NKAIN3: variants seen among roughly 807,000 people sequenced by gnomAD.
NKAIN3 encodes sodium/potassium transporting ATPase interacting 3, also known as sodium/potassium-transporting ATPase subunit beta-1-interacting protein 3.
A neutral mutation model predicts 30.2 loss-of-function variants in NKAIN3; 25 were observed. The ratio of observed to expected loss-of-function variants is 0.83; its 90% CI spans 0.60 to 1.16. NKAIN3 has a LOEUF of 1.16. NKAIN3 is among the 50% of genes most tolerant of loss of function. The pLI is 0.00. For missense variants in NKAIN3, 225 were observed against 254.1 expected (o/e 0.89, Z 0.78); for synonymous variants, 91 against 89.6 (o/e 1.02, Z -0.09).
At chr8:62,452,161 T>A (rs978927468) in intron 1 of NKAIN3, among the ~76,000 whole-genome samples, 1 of 152,110 alleles carries the variant, frequency 6.6e-6, no homozygotes, top group Non-Finnish European at 1.5e-5. Context: ...AAACCAAAAG[T>A]GTCCAAGTTT....
intron 3 of NKAIN3, among the ~76,000 whole-genome samples, chr8:62,689,652 C>G (rs1014155103): frequency 2.0e-5 from 3 of 152,068 alleles, no homozygotes; most frequent in African/African-American, 7.2e-5. Flanking sequence ...GTTCACTGTG[C>G]CTTTATGTTA....
chr8:62,938,354 A>G (rs1185625990), intron 5 of NKAIN3, among the ~76,000 whole-genome samples: 1 of 152,104 alleles, frequency 6.6e-6, no homozygotes, highest in African/African-American at 2.4e-5. Context: ...AGAAAACAAC[A>G]GCTAATTTCA....
At chr8:62,300,710 A>T (rs1487043500) in intron 1 of NKAIN3, among the ~76,000 whole-genome samples, 1 of 152,176 alleles carries the variant, frequency 6.6e-6, no homozygotes, top group Non-Finnish European at 1.5e-5. Flanking sequence ...CACAATTTTC[A>T]TATAAATTAT....
intron 1 of NKAIN3, among the ~76,000 whole-genome samples, chr8:62,455,705 T>C (rs1436018840): frequency 6.6e-6 from 1 of 152,238 alleles, no homozygotes; most frequent in Admixed American, 6.5e-5. Flanking sequence ...GAACTATGTT[T>C]GAAAATGTTC....
intron 4 of NKAIN3, among the ~76,000 whole-genome samples, chr8:62,783,167 C>T (rs915441634): frequency 1.3e-4 from 20 of 151,930 alleles, no homozygotes; most frequent in African/African-American, 4.6e-4. Context: ...GCTTTTGTCC[C>T]CCCAAAATTC....
chr8:62,583,457 G>T (rs1240197474), intron 2 of NKAIN3, among the ~76,000 whole-genome samples: 1 of 152,100 alleles, frequency 6.6e-6, no homozygotes, highest in Non-Finnish European at 1.5e-5. Context: ...CTCAGGAAGG[G>T]GAGAGAAAGA....
chr8:62,766,210 C>G (rs1563552661), intron 4 of NKAIN3, among the ~76,000 whole-genome samples: 1 of 152,120 alleles, frequency 6.6e-6, no homozygotes, highest in Non-Finnish European at 1.5e-5. Context: ...TTAGTGGAGG[C>G]ATATAATAGA....
At chr8:62,955,482 T>C (rs1823395581) in intron 6 of NKAIN3, among the ~76,000 whole-genome samples, 1 of 152,054 alleles carries the variant, frequency 6.6e-6, no homozygotes, top group South Asian at 2.1e-4. Context: ...AGAGTCTTCA[T>C]ATATTTGTTA....
At chr8:62,250,440 T>A (rs1029273768) in intron 1 of NKAIN3, among the ~76,000 whole-genome samples, 6 of 152,154 alleles carry the variant, frequency 3.9e-5, no homozygotes, top group East Asian at 1.9e-4. Flanking sequence ...TTGAAAAAAA[T>A]TTTAAAAATT....
intron 3 of NKAIN3, among the ~76,000 whole-genome samples, chr8:62,741,576 T>C (rs1036843111): frequency 6.6e-6 from 1 of 152,194 alleles, no homozygotes; most frequent in Non-Finnish European, 1.5e-5. Context: ...CAACAACCTG[T>C]ATTAAACTAA....
At chr8:62,276,264 C>T (rs1248595951) in intron 1 of NKAIN3, among the ~76,000 whole-genome samples, 1 of 152,096 alleles carries the variant, frequency 6.6e-6, no homozygotes, top group African/African-American at 2.4e-5. Context: ...TGGGATTTCA[C>T]CATATTGGCT....
chr8:62,609,088 C>T (rs1444507367), intron 3 of NKAIN3, among the ~76,000 whole-genome samples: 1 of 152,144 alleles, frequency 6.6e-6, no homozygotes, highest in African/African-American at 2.4e-5. Context: ...CAGCCTCTTG[C>T]TGCTCAGGTC....
intron 4 of NKAIN3, chr8:62,856,769 C>T (rs1563596273): frequency 1.8e-5 from 12 of 662,042 alleles, no homozygotes; most frequent in Non-Finnish European, 3.3e-5. Flanking sequence ...CTGGCTTATC[C>T]AACTCCTGTA....
At chr8:62,995,084 C>T (rs529028919) in intron 5 of NKAIN3, among the ~76,000 whole-genome samples, 2 of 152,200 alleles carry the variant, frequency 1.3e-5, no homozygotes, top group South Asian at 2.1e-4. Flanking sequence ...TTAAGCTTTC[C>T]AATTGGTATT....
chr8:62,551,160 T>G (rs2928389), intron 1 of NKAIN3, among the ~76,000 whole-genome samples: 131,741 of 152,110 alleles, frequency 0.87, 57,121 homozygotes, highest in Admixed American at 0.9. Flanking sequence ...ATTCTGGAAT[T>G]CAAGAATACA....
intron 1 of NKAIN3, among the ~76,000 whole-genome samples, chr8:62,478,706 A>T (rs919281686): frequency 2.6e-5 from 4 of 152,190 alleles, no homozygotes; most frequent in African/African-American, 9.7e-5. Context: ...GGTTTTAAAA[A>T]ATATTTATTT....
At chr8:62,787,028 G>A (rs374751050) in intron 4 of NKAIN3, among the ~76,000 whole-genome samples, 6 of 147,494 alleles carry the variant, frequency 4.1e-5, no homozygotes, top group South Asian at 2.2e-4. Context: ...GGATCAATCC[G>A]TTTAGAGAGC....
At chr8:62,564,165 TTGA>T (rs1485032374) in intron 1 of NKAIN3, among the ~76,000 whole-genome samples, 1 of 152,214 alleles carries the variant, frequency 6.6e-6, no homozygotes, top group Admixed American at 6.5e-5. Context: ...TTAAGCAGAA[TTGA>T]CCTACTTTGT....
rs1172485005 is a variant in NKAIN3 at position 62,439,995 on chromosome 8, T to C, written c.55-139544T>C. Among the ~76,000 whole-genome samples the C allele has an allele frequency of 3.3e-5, 5 of 152,326 alleles. No individual in the cohort carries two copies. The East Asian group carries it at 9.7e-4, about 29-fold the overall frequency. On this transcript the variant is annotated intron_variant, in intron 1 of 6. Coordinates refer to ENST00000623646, the MANE Select transcript of NKAIN3 (RefSeq NM_001304533.3). ...GTTTTCCTGTAGATGCTGATTTTAA[T>C]AGAAAGACATTCAGGACCCACTTTT...
Sources: allele counts gnomAD v4.1 joint callset (sites outside exome capture counted in the v4.1 genomes callset), GRCh38; gene constraint gnomAD v4.1.1; transcripts MANE v1.5; gene names NCBI Gene and HGNC (gene_info 2026-07-23, HGNC 2026-07-21).